MAGI2: variants seen among roughly 807,000 people sequenced by gnomAD.
The protein encoded by MAGI2 is membrane associated guanylate kinase, WW and PDZ domain containing 2, also known as membrane-associated guanylate kinase, WW and PDZ domain-containing protein 2.
Under a neutral mutation model 133.3 loss-of-function variants are expected in MAGI2, and 35 were observed. That is an observed-to-expected ratio of 0.26 (90% CI 0.20 to 0.35). MAGI2 has a LOEUF of 0.35. Among genes scored for constraint, MAGI2 ranks in the 10% least tolerant of loss-of-function variants. MAGI2 has a pLI of 1.00. For synonymous variants in MAGI2, 729 were observed against 710.6 expected (o/e 1.03, Z -0.41); for missense variants, 1,636 against 1,863.4 (o/e 0.88, Z 2.25).
At chr7:78,788,119 G>C (rs902399784) in intron 2 of MAGI2, among the ~76,000 whole-genome samples, 5 of 152,190 alleles carry the variant, frequency 3.3e-5, no homozygotes, top group Non-Finnish European at 5.9e-5. Context: ...ATGGTTCTAG[G>C]TGACACCAAA....
At chr7:78,272,530 G>A (rs1312825423) in intron 9 of MAGI2, among the ~76,000 whole-genome samples, 2 of 152,170 alleles carry the variant, frequency 1.3e-5, no homozygotes, top group Non-Finnish European at 2.9e-5. Context: ...GTCTAATGTT[G>A]ACAGTGGTGT....
chr7:79,180,397 C>T (rs1826502158), intron 1 of MAGI2, among the ~76,000 whole-genome samples: 1 of 151,930 alleles, frequency 6.6e-6, no homozygotes, highest in Non-Finnish European at 1.5e-5. Flanking sequence ...TGGCCGAAGG[C>T]AAGGAGGAAC....
At chr7:79,292,323 A>G (rs1473951006) in intron 1 of MAGI2, among the ~76,000 whole-genome samples, 1 of 152,028 alleles carries the variant, frequency 6.6e-6, no homozygotes, top group African/African-American at 2.4e-5. Flanking sequence ...GTATCTTTGT[A>G]GCAAGTTTTA....
intron 5 of MAGI2, among the ~76,000 whole-genome samples, chr7:78,491,052 A>G (rs1793559227): frequency 6.6e-6 from 1 of 152,132 alleles, no homozygotes; most frequent in African/African-American, 2.4e-5. Flanking sequence ...TAAATTTCAC[A>G]TGTATTCTCT....
At chr7:78,938,066 CTGTT>C (rs1800658587) in intron 2 of MAGI2, among the ~76,000 whole-genome samples, 1 of 152,010 alleles carries the variant, frequency 6.6e-6, no homozygotes, top group Non-Finnish European at 1.5e-5. Flanking sequence ...ATATAAGTGA[CTGTT>C]AAATCTCTAG....
intron 1 of MAGI2, among the ~76,000 whole-genome samples, chr7:79,106,469 A>G (rs1305358219): frequency 6.6e-6 from 1 of 152,230 alleles, no homozygotes; most frequent in East Asian, 1.9e-4. Flanking sequence ...TTAAAATAAA[A>G]TGTTAAAGTT....
In MAGI2 at chr7:78,561,073, T is replaced by C. The variant is rs147632656; in HGVS notation, c.539-39428A>G. 1.5e-3 allele frequency among the ~76,000 whole-genome samples: 224 copies of C among 152,146 alleles called. 1 individual carries two copies. The highest frequency in any genetic ancestry group is 5.0e-3 in the African/African-American group (207 of 41,482). On this transcript the variant is annotated intron_variant, in intron 3 of 21. Coordinates refer to ENST00000354212, the MANE Select transcript of MAGI2 (RefSeq NM_012301.4). ...GATTCACAGAGGTGTAGCAAAAACT[T>C]AGAAAGCAGTGATACGCATAAAATC...
intron 1 of MAGI2, among the ~76,000 whole-genome samples, chr7:79,089,835 G>T (rs1217161182): frequency 6.6e-6 from 1 of 152,038 alleles, no homozygotes; most frequent in Admixed American, 6.6e-5. Context: ...ACACACTGGG[G>T]CCTGTCAGAA....
At chr7:79,058,569 T>C (rs1231452762) in intron 1 of MAGI2, among the ~76,000 whole-genome samples, 3 of 152,116 alleles carry the variant, frequency 2.0e-5, no homozygotes, top group East Asian at 1.9e-4. Flanking sequence ...TTTCCCCATA[T>C]TACACATTTT....
At chr7:78,782,722 T>G (rs1826495497) in intron 2 of MAGI2, among the ~76,000 whole-genome samples, 1 of 152,118 alleles carries the variant, frequency 6.6e-6, no homozygotes, top group Non-Finnish European at 1.5e-5. Flanking sequence ...AGACTGCCTG[T>G]GGGCCAAGCA....
chr7:78,906,931 A>G (rs1291599133), intron 2 of MAGI2, among the ~76,000 whole-genome samples: 2 of 151,142 alleles, frequency 1.3e-5, no homozygotes, highest in East Asian at 3.9e-4. Flanking sequence ...GGGGAGGAAA[A>G]GCTTAAGCAG....
Position 78,582,404 on chromosome 7 carries a change from AAAG to A in MAGI2, c.538+44713_538+44715del, listed in dbSNP as rs1802931394. On this transcript the variant is annotated intron_variant, in intron 3 of 21. Coordinates refer to ENST00000354212, the MANE Select transcript of MAGI2 (RefSeq NM_012301.4). ...ATCTGTAAAATTGTTATGCAATATAAAAGAAGGGAACAATTGCACCTGGAATTG... is the reference window on the plus strand; with the variant it reads ...ATCTGTAAAATTGTTATGCAATATAAAAGGGAACAATTGCACCTGGAATTG... 3.3e-5 allele frequency among the ~76,000 whole-genome samples: 5 copies of A among 152,218 alleles called. No individual in the cohort carries two copies. The South Asian group carries it at 1.0e-3, about 31-fold the overall frequency.
chr7:78,691,509 T>C (rs1163164842), intron 2 of MAGI2, among the ~76,000 whole-genome samples: 1 of 152,174 alleles, frequency 6.6e-6, no homozygotes, highest in Admixed American at 6.5e-5. Flanking sequence ...GGTGAGAGCC[T>C]TCATCCTGAT....
intron 1 of MAGI2, among the ~76,000 whole-genome samples, chr7:79,096,015 AG>A (rs569718921): frequency 1.2e-4 from 18 of 152,274 alleles, no homozygotes; most frequent in African/African-American, 4.1e-4. Flanking sequence ...GGTCCAGAGC[AG>A]GGGGCAGGGC....
At chr7:78,899,934 AC>A (rs1797491941) in intron 2 of MAGI2, among the ~76,000 whole-genome samples, 2 of 152,078 alleles carry the variant, frequency 1.3e-5, no homozygotes, top group Admixed American at 1.3e-4. Context: ...TCATCACTCA[AC>A]CCTTCAATGA....
At chr7:78,719,994 A>T (rs980036746) in intron 2 of MAGI2, among the ~76,000 whole-genome samples, 1 of 152,188 alleles carries the variant, frequency 6.6e-6, no homozygotes, top group Non-Finnish European at 1.5e-5. Flanking sequence ...ATCTTTCATT[A>T]ACTATGAACT....
intron 2 of MAGI2, among the ~76,000 whole-genome samples, chr7:78,833,955 A>C (rs982280315): frequency 2.0e-5 from 3 of 152,198 alleles, no homozygotes; most frequent in African/African-American, 7.2e-5. Flanking sequence ...CCATAGCCAG[A>C]AATCATTTTA....
intron 1 of MAGI2, among the ~76,000 whole-genome samples, chr7:79,349,089 G>GGCTA (rs1841517139): frequency 6.6e-6 from 1 of 151,862 alleles, no homozygotes; most frequent in Non-Finnish European, 1.5e-5. Flanking sequence ...ACATAAAAGA[G>GGCTA]GCTATCTTTA....
intron 12 of MAGI2, among the ~76,000 whole-genome samples, chr7:78,193,754 AAAAAAAGTAT>A (rs1478008416): frequency 3.3e-5 from 5 of 152,076 alleles, no homozygotes; most frequent in Admixed American, 1.3e-4. Flanking sequence ...TTCTTTAAAA[AAAAAAAGTAT>A]ATGTGGGTTT....
Sources: allele counts gnomAD v4.1 joint callset (sites outside exome capture counted in the v4.1 genomes callset), GRCh38; gene constraint gnomAD v4.1.1; transcripts MANE v1.5; gene names NCBI Gene and HGNC (gene_info 2026-07-23, HGNC 2026-07-21).